The following SLC17A1 variants were observed in gnomAD, a reference collection of about 807,000 sequenced individuals.
SLC17A1 encodes sodium-dependent phosphate transport protein 1.
Under a neutral mutation model 53.5 loss-of-function variants are expected in SLC17A1, and 51 were observed. The ratio of observed to expected loss-of-function variants is 0.95; its 90% CI spans 0.76 to 1.20. The LOEUF (loss-of-function observed/expected upper bound fraction) is 1.20. SLC17A1 is among the 50% of genes most tolerant of loss of function. The pLI is 0.00. For missense variants in SLC17A1, 538 were observed against 568.2 expected, an observed-to-expected ratio of 0.95 and a Z score of 0.54; for synonymous variants, 179 against 198.8, an observed-to-expected ratio of 0.90 and a Z score of 0.84.
At chr6:25,777,225 G>C in the SLC17A1 span, 2 of 412,500 alleles carry the variant, frequency 4.8e-6, no homozygotes, top group Non-Finnish European at 8.7e-6. Flanking sequence ...ACCTCTCTCT[G>C]TTGAGGAATG....
chr6:25,780,397 G>C (rs543644789), downstream of SLC17A1: 1 of 152,202 alleles, frequency 6.6e-6, no homozygotes, highest in Non-Finnish European at 1.5e-5. Context: ...CTGAGTGTAA[G>C]GAAGGGCCAC....
chr6:25,767,317 C>G, the SLC17A1 span, among the ~76,000 whole-genome samples: 1 of 151,928 alleles, frequency 6.6e-6, no homozygotes, highest in African/African-American at 2.4e-5. Flanking sequence ...TTTGTAATAG[C>G]CTATTAAGAA....
chr6:25,783,911 C>G (rs980783853), intron 12 of SLC17A1, among the ~76,000 whole-genome samples: 2 of 151,712 alleles, frequency 1.3e-5, no homozygotes, highest in African/African-American at 4.8e-5. Context: ...TGAAACTGGG[C>G]TTTACCTGGT....
chr6:25,743,831 T>A, the SLC17A1 span, among the ~76,000 whole-genome samples: 1 of 152,138 alleles, frequency 6.6e-6, no homozygotes, highest in Non-Finnish European at 1.5e-5. Context: ...TTTCAGAAAA[T>A]CATAAATGTG....
Position 25,811,383 on chromosome 6 carries a change from A to G in SLC17A1, c.1178+15T>C, listed in dbSNP as rs1764150002. The G allele has an allele frequency of 2.5e-6, 4 of 1,598,616 alleles. No individual in the cohort carries two copies. The highest frequency in any genetic ancestry group is 3.4e-6 in the Non-Finnish European group (4 of 1,171,566). On this transcript the variant is annotated intron_variant, in intron 10 of 12. Transcript: ENST00000244527. ...TTTGTTAAAGGTTAAAAAAAAGCGTATAAACAAATCCTACCTGGGAGCAAT... is the reference window on the plus strand; with the variant it reads ...TTTGTTAAAGGTTAAAAAAAAGCGTGTAAACAAATCCTACCTGGGAGCAAT...
At chr6:25,734,470 A>C in the SLC17A1 span, among the ~76,000 whole-genome samples, 1 of 152,226 alleles carries the variant, frequency 6.6e-6, no homozygotes, top group Non-Finnish European at 1.5e-5. Flanking sequence ...AAAAGGATAA[A>C]TCTACAGCTA....
the SLC17A1 span, among the ~76,000 whole-genome samples, chr6:25,771,379 G>A: frequency 6.6e-6 from 1 of 152,034 alleles, no homozygotes; most frequent in African/African-American, 2.4e-5. Flanking sequence ...TTTGAAACCA[G>A]CCTGGCCAAC....
At chr6:25,740,985 G>C in the SLC17A1 span, among the ~76,000 whole-genome samples, 2 of 152,186 alleles carry the variant, frequency 1.3e-5, no homozygotes, top group African/African-American at 4.8e-5. Context: ...CATGGAGATA[G>C]AAGGTAAAAT....
intron 12 of SLC17A1, among the ~76,000 whole-genome samples, chr6:25,791,493 A>G (rs1231397029): frequency 6.6e-6 from 1 of 152,238 alleles, no homozygotes; most frequent in Non-Finnish European, 1.5e-5. Context: ...AAAAGTTGGT[A>G]TTTTAAGTCA....
At chr6:25,760,858 T>G in the SLC17A1 span, among the ~76,000 whole-genome samples, 2 of 152,194 alleles carry the variant, frequency 1.3e-5, no homozygotes, top group South Asian at 4.1e-4. Flanking sequence ...CATATTTTAT[T>G]TCTTCAATTA....
Position 25,811,752 on chromosome 6 carries a change from G to A in SLC17A1, c.916C>T (p.Leu306Phe), listed in dbSNP as rs770518606. ...NIKENGFLSS[L>F]PYLFAWICGN... ...CAGATCCAGGCAAACAAATAGGGAA[G>A]GGAAGACAAGAACCCATTCTGAAGA... The change falls in exon 9 of 13, where the codon CTT becomes TTT. Residue 306 changes from leucine (L) to phenylalanine (F), a missense_variant. Transcript: ENST00000244527. 1.2e-6 allele frequency: 2 copies of A among 1,613,726 alleles called. No homozygotes were observed. The highest frequency in any genetic ancestry group is 1.7e-6 in the Non-Finnish European group (2 of 1,179,722).
At chr6:25,769,604 CATA>C in the SLC17A1 span, among the ~76,000 whole-genome samples, 1 of 150,766 alleles carries the variant, frequency 6.6e-6, no homozygotes, top group East Asian at 1.9e-4. Flanking sequence ...GAATAAAGAA[CATA>C]ATAAGTATCT....
At chr6:25,821,346 G>A (rs991492201) in intron 3 of SLC17A1, among the ~76,000 whole-genome samples, 2 of 152,152 alleles carry the variant, frequency 1.3e-5, no homozygotes, top group Non-Finnish European at 2.9e-5. Flanking sequence ...TGGTAGGAGT[G>A]ACTCTCTGAG....
chr6:25,801,855 C>T (rs2328895), intron 10 of SLC17A1, among the ~76,000 whole-genome samples: 100,979 of 152,038 alleles, frequency 0.66, 35,340 homozygotes, highest in African/African-American at 0.88. Context: ...AGTCCTTGAA[C>T]GTTAAGCTAT....
the SLC17A1 span, chr6:25,732,061 T>C: frequency 5.0e-4 from 624 of 1,250,718 alleles, 7 homozygotes; most frequent in African/African-American, 7.9e-3. Flanking sequence ...TAGCTCTCTT[T>C]GCGGCATCTC....
intron 12 of SLC17A1, among the ~76,000 whole-genome samples, chr6:25,785,001 A>G (rs1763350187): frequency 6.6e-6 from 1 of 152,178 alleles, no homozygotes; most frequent in Non-Finnish European, 1.5e-5. Context: ...AATCTTGCTT[A>G]CAGAAATCCT....
the SLC17A1 span, chr6:25,726,357 C>T: frequency 3.1e-6 from 5 of 1,614,150 alleles, no homozygotes; most frequent in Non-Finnish European, 4.2e-6. Context: ...CTGTGAGATA[C>T]TCTAACACTG....
rs1384221496 is a variant in SLC17A1, at chr6:25,783,001, C to G, written c.*220G>C. On this transcript the variant is annotated 3_prime_UTR_variant, in exon 13 of 13. Coordinates refer to ENST00000244527, the MANE Select transcript of SLC17A1 (RefSeq NM_005074.5). ...AGAGGAAGACTGAGATAAATCACCA[C>G]CCCCATTTAAAATTCAGATATATTA... is the stretch of plus-strand genomic sequence containing the variant. 1 of 152,098 alleles carries G rather than the reference C, an allele frequency of 6.6e-6. No individual in the cohort carries two copies. The highest frequency in any genetic ancestry group is 1.5e-5 in the Non-Finnish European group (1 of 68,026). The allele number at this position is 152,098 out of a possible 1,614,324, so 9.4% of individuals were successfully genotyped here.
intron 6 of SLC17A1, 64 bp downstream of exon 6, chr6:25,819,004 G>A (rs990217779): frequency 2.0e-6 from 2 of 1,015,688 alleles, no homozygotes; most frequent in East Asian, 2.6e-5. Context: ...ATTATATTGG[G>A]TTTTAATGTT....
Sources: allele counts gnomAD v4.1 joint callset (sites outside exome capture counted in the v4.1 genomes callset), GRCh38; gene constraint gnomAD v4.1.1; transcripts MANE v1.5; gene names NCBI Gene and HGNC (gene_info 2026-07-23, HGNC 2026-07-21).